JARID2: variants seen among roughly 807,000 people sequenced by gnomAD.
JARID2 encodes protein Jumonji.
A neutral mutation model predicts 125.6 loss-of-function variants in JARID2; 21 were observed. The observed-to-expected ratio is 0.17, with a 90% confidence interval of 0.12 to 0.24. The LOEUF is 0.24. JARID2 is among the 10% of genes least tolerant of loss of function. JARID2 has a pLI of 1.00. For synonymous variants in JARID2, 736 were observed against 661.6 expected, an observed-to-expected ratio of 1.11 and a Z score of -1.73; for missense variants, 1,303 against 1,639.6, an observed-to-expected ratio of 0.79 and a Z score of 3.55.
At chr6:15,450,526 T>C (rs1767871945) in intron 3 of JARID2, among the ~76,000 whole-genome samples, 1 of 152,196 alleles carries the variant, frequency 6.6e-6, no homozygotes, top group Non-Finnish European at 1.5e-5. Context: ...CCATCCTACG[T>C]AGTGTTTGGG....
chr6:15,411,065 G>GT (rs775974670), intron 3 of JARID2, among the ~76,000 whole-genome samples: 16 of 152,082 alleles, frequency 1.1e-4, no homozygotes, highest in Non-Finnish European at 1.9e-4. Context: ...TACCTGATAT[G>GT]TTACTTCCTT....
chr6:15,497,113 T>G lies in JARID2; in HGVS notation c.1888T>G (p.Cys630Gly). ...GGGCCCCAACGTGCAGCGGCTGGCC[T>G]GCATCAAGAAGCACCTCAAATCTCA... is the stretch of plus-strand genomic sequence containing the variant. ...RWGPNVQRLA[C>G]IKKHLKSQGI... The change falls in exon 7 of 18, where the codon TGC becomes GGC. Residue 630 changes from cysteine to glycine, a missense_variant. Around this residue, in one of 11 missense-constraint regions of JARID2, gnomAD observed 64 missense variants for 166.8 expected, o/e 0.38. Coordinates refer to ENST00000341776, the MANE Select transcript of JARID2 (RefSeq NM_004973.4). 6.4e-7 allele frequency: 1 copy of G among 1,568,618 alleles called. No homozygotes were observed. Among genetic ancestry groups the G allele is most frequent in the Non-Finnish European group, 8.6e-7 (1 of 1,157,180 alleles).
At chr6:15,323,740 C>A (rs1188365526) in intron 1 of JARID2, among the ~76,000 whole-genome samples, 1 of 152,018 alleles carries the variant, frequency 6.6e-6, no homozygotes, top group African/African-American at 2.4e-5. Context: ...ACTCAAAATA[C>A]AAAAATTAGC....
At chr6:15,493,777 T>C (rs1770271137) in intron 6 of JARID2, among the ~76,000 whole-genome samples, 1 of 152,178 alleles carries the variant, frequency 6.6e-6, no homozygotes, top group Non-Finnish European at 1.5e-5. Flanking sequence ...GTGGAAGCAT[T>C]TGAAAGAACA....
At position 15,487,348 on chromosome 6, in the gene JARID2, G is replaced by A; in HGVS notation, c.712G>A (p.Val238Ile). The change falls in exon 6 of 18, where the codon GTT becomes ATT. Residue 238 changes from valine to isoleucine, a missense_variant. Val to Ile is a conservative substitution (Grantham distance 29). Around this residue, in one of 11 missense-constraint regions of JARID2, gnomAD observed 651 missense variants for 581.6 expected, o/e 1.12. Coordinates refer to ENST00000341776, the MANE Select transcript of JARID2 (RefSeq NM_004973.4). ...CAGGTCAACACGGGAGAAGGAACCT[G>A]TTCAAAAACACAAAAGCAAAGAGGC... ...SSRSTREKEP[V>I]QKHKSKEATP... The A allele has an allele frequency of 6.2e-7, 1 of 1,614,156 alleles. No homozygotes were observed.
At chr6:15,285,157 C>T (rs969676989) in intron 1 of JARID2, among the ~76,000 whole-genome samples, 1 of 134,388 alleles carries the variant, frequency 7.4e-6, no homozygotes. Context: ...GTTCTCCAGA[C>T]TGGAGTGCAA....
chr6:15,443,534 T>C (rs1561866025), intron 3 of JARID2, among the ~76,000 whole-genome samples: 1 of 152,212 alleles, frequency 6.6e-6, no homozygotes, highest in Non-Finnish European at 1.5e-5. Context: ...TAAAAGTCAG[T>C]ATATTTTGCT....
At chr6:15,458,351 C>T (rs1433734466) in intron 4 of JARID2, among the ~76,000 whole-genome samples, 1 of 152,230 alleles carries the variant, frequency 6.6e-6, no homozygotes, top group East Asian at 1.9e-4. Context: ...ATACACAGTT[C>T]ATTCCTATGA....
At chr6:15,405,579 C>T (rs1053362518) in intron 2 of JARID2, among the ~76,000 whole-genome samples, 1 of 151,972 alleles carries the variant, frequency 6.6e-6, no homozygotes, top group Non-Finnish European at 1.5e-5. Flanking sequence ...TAGAGGAGAA[C>T]AAATGCTAAT....
At position 15,516,705 on chromosome 6, in the gene JARID2, G is replaced by A. The variant is rs144062391; in HGVS notation, c.3451-456G>A. Among the ~76,000 whole-genome samples the A allele has an allele frequency of 1.4e-3, 214 of 152,312 alleles. No individual in the cohort carries two copies. In the Middle Eastern group the frequency reaches 0.02, roughly 15 times the overall value. ...TGGAAAGTCAAGGGTGCGTTCCCCG[G>A]GTGGCCGCCTAAGTTGGAGTCCTCC... is the stretch of plus-strand genomic sequence containing the variant. On this transcript the variant is annotated intron_variant, in intron 16 of 17. Transcript: ENST00000341776.
At chr6:15,309,084 A>G (rs1761929671) in intron 1 of JARID2, among the ~76,000 whole-genome samples, 1 of 152,162 alleles carries the variant, frequency 6.6e-6, no homozygotes, top group Admixed American at 6.5e-5. Flanking sequence ...TTGATGTTGG[A>G]TATCTCTGGG....
intron 3 of JARID2, among the ~76,000 whole-genome samples, chr6:15,427,817 G>C (rs1364488595): frequency 6.6e-6 from 1 of 152,080 alleles, no homozygotes; most frequent in Non-Finnish European, 1.5e-5. Context: ...GTTTGTGAAG[G>C]AGGTGACAGC....
chr6:15,405,351 T>C (rs1765605096), intron 2 of JARID2, among the ~76,000 whole-genome samples: 1 of 152,210 alleles, frequency 6.6e-6, no homozygotes, highest in Admixed American at 6.5e-5. Context: ...TCAATTTCTT[T>C]AGAGTTCTCG....
intron 4 of JARID2, 112 bp downstream of exon 4, chr6:15,452,287 A>C: frequency 1.4e-6 from 2 of 1,437,698 alleles, no homozygotes; most frequent in Non-Finnish European, 1.8e-6. Context: ...TTCTGTCCCC[A>C]ACCTGGGTTG....
In JARID2 at chr6:15,512,194, C is replaced by A. The variant is rs747451281; in HGVS notation, c.2953-14C>A. On this transcript the variant is annotated splice_polypyrimidine_tract_variant and intron_variant, in intron 13 of 17. Transcript: ENST00000341776. ...CACAGGGAGGGGTGCCTCAGCCTGG[C>A]CCTGTCTCCCCAGATCTCCCCGGAG... 2 of 1,610,652 alleles carry A rather than the reference C, an allele frequency of 1.2e-6. No homozygotes were observed. The highest frequency in any genetic ancestry group is 2.7e-5 in the African/African-American group (2 of 74,878).
chr6:15,461,227 A>G (rs1372801174), intron 4 of JARID2, among the ~76,000 whole-genome samples: 1 of 152,240 alleles, frequency 6.6e-6, no homozygotes, highest in Non-Finnish European at 1.5e-5. Context: ...GGAACGTTAC[A>G]GTTTTCAATG....
At chr6:15,457,526 A>T (rs1768241636) in intron 4 of JARID2, among the ~76,000 whole-genome samples, 1 of 152,184 alleles carries the variant, frequency 6.6e-6, no homozygotes, top group South Asian at 2.1e-4. Flanking sequence ...TATAGGGAAG[A>T]AAGTCTGGCT....
intron 6 of JARID2, among the ~76,000 whole-genome samples, chr6:15,491,563 C>T (rs7768706): frequency 8.1e-4 from 124 of 152,362 alleles, no homozygotes; most frequent in African/African-American, 2.8e-3. Context: ...CTCGGCTCAA[C>T]GGCTCCCTCT....
At chr6:15,517,519 A>G (rs956598197) in intron 17 of JARID2, among the ~76,000 whole-genome samples, 1 of 152,204 alleles carries the variant, frequency 6.6e-6, no homozygotes, top group African/African-American at 2.4e-5. Flanking sequence ...CTCTTCCTGC[A>G]GCCGCCCCCC....
Sources: allele counts gnomAD v4.1 joint callset (sites outside exome capture counted in the v4.1 genomes callset), GRCh38; gene constraint gnomAD v4.1.1; regional missense constraint gnomAD v4.1.1; transcripts MANE v1.5; gene names NCBI Gene and HGNC (gene_info 2026-07-23, HGNC 2026-07-21).